The following ABCD3 variants were observed in gnomAD, a reference collection of about 807,000 sequenced individuals.
The protein encoded by ABCD3 is ATP-binding cassette sub-family D member 3.
In ABCD3, 41 loss-of-function variants were observed where a neutral mutation model predicts 105.5. The observed-to-expected ratio is 0.39, with a 90% CI of 0.30 to 0.50. The LOEUF is 0.50. Among genes scored for constraint, ABCD3 ranks in the 20% least tolerant of loss-of-function variants. ABCD3 has a pLI of 0.84. For missense variants in ABCD3, 622 were observed against 806.3 expected, an observed-to-expected ratio of 0.77 and a Z score of 2.77; for synonymous variants, 258 against 269.0, an observed-to-expected ratio of 0.96 and a Z score of 0.40.
the ABCD3 span, among the ~76,000 whole-genome samples, chr1:94,408,048 C>T: frequency 6.6e-6 from 1 of 152,116 alleles, no homozygotes; most frequent in Non-Finnish European, 1.5e-5. Context: ...TATTACTTGG[C>T]CCTTTGCAGA....
intron 1 of ABCD3, among the ~76,000 whole-genome samples, chr1:94,444,615 T>C (rs1660277330): frequency 6.6e-6 from 1 of 152,214 alleles, no homozygotes; most frequent in South Asian, 2.1e-4. Context: ...ATTTTGTAAG[T>C]CTGTTGTTAC....
At chr1:94,417,592 G>A (rs1659071411), upstream of ABCD3, among the ~76,000 whole-genome samples, 1 of 152,206 alleles carries the variant, frequency 6.6e-6, no homozygotes, top group Non-Finnish European at 1.5e-5. Context: ...TGTTACTTCT[G>A]AATGTCCCTT....
the ABCD3 span, among the ~76,000 whole-genome samples, chr1:94,403,524 T>C: frequency 6.6e-6 from 1 of 152,204 alleles, no homozygotes; most frequent in Non-Finnish European, 1.5e-5. Flanking sequence ...AAAATAATAA[T>C]TTTCCAGCTT....
At chr1:94,427,027 T>C (rs1030935994) in intron 1 of ABCD3, among the ~76,000 whole-genome samples, 6 of 152,176 alleles carry the variant, frequency 3.9e-5, no homozygotes, top group African/African-American at 1.4e-4. Flanking sequence ...TAGAACAGTA[T>C]GTTTACACCA....
At chr1:94,436,105 A>G (rs1397287987) in intron 1 of ABCD3, among the ~76,000 whole-genome samples, 1 of 152,216 alleles carries the variant, frequency 6.6e-6, no homozygotes, top group Non-Finnish European at 1.5e-5. Flanking sequence ...TTTATTGGGA[A>G]ATGGTATTTC....
chr1:94,514,667 C>T lies in ABCD3; in HGVS notation c.1846-479C>T, dbSNP rs1290871022. ...TATGTGTTTAATTATAAAATTCTGC[C>T]TCAGAACTCTCTGGGGGTGTTAAAT... On this transcript the variant is annotated intron_variant, in intron 21 of 22. Transcript: ENST00000370214. 2.6e-5 allele frequency: 4 copies of T among 155,528 alleles called. No homozygotes were observed. In the East Asian group the frequency reaches 7.5e-4, roughly 29 times the overall value. The allele number at this position is 155,528 out of a possible 1,614,324, so 9.6% of individuals were successfully genotyped here.
chr1:94,433,880 C>T (rs1344393732), intron 1 of ABCD3, among the ~76,000 whole-genome samples: 1 of 151,830 alleles, frequency 6.6e-6, no homozygotes. Flanking sequence ...AACTCCTGGC[C>T]TCAAGTGATC....
intron 10 of ABCD3, among the ~76,000 whole-genome samples, chr1:94,485,827 C>G (rs1390943062): frequency 6.6e-6 from 1 of 152,078 alleles, no homozygotes; most frequent in Non-Finnish European, 1.5e-5. Flanking sequence ...ATTCTCTGAA[C>G]AATACAGACA....
chr1:94,418,746 G>A (rs1659127176), intron 1 of ABCD3, 158 bp downstream of exon 1: 1 of 702,420 alleles, frequency 1.4e-6, no homozygotes, highest in East Asian at 2.8e-5. Context: ...CAGGGTGTCC[G>A]CGAGTCCCCG....
intron 16 of ABCD3, among the ~76,000 whole-genome samples, chr1:94,494,412 T>C (rs1765653): frequency 0.044 from 6,642 of 152,292 alleles, 545 homozygotes; most frequent in African/African-American, 0.15. Context: ...AATCTCTTTC[T>C]GACTTAAAGT....
chr1:94,450,632 C>A (rs368982637), intron 1 of ABCD3, among the ~76,000 whole-genome samples: 5 of 152,226 alleles, frequency 3.3e-5, no homozygotes, highest in Admixed American at 6.5e-5. Flanking sequence ...GGCTTGCTGT[C>A]AATAAATATG....
rs1205836155 is a variant in ABCD3 at position 94,473,851 on chromosome 1, T to C, written c.405+16T>C. The C allele has an allele frequency of 9.4e-6, 15 of 1,603,858 alleles. No homozygotes were observed. Among genetic ancestry groups the C allele is most frequent in the African/African-American group, 1.3e-5 (1 of 74,470 alleles). ...CATGCCTCTTGTAAGTTTAATTCAT[T>C]AAAAATCTTTTTAACACGGGAAATT... On this transcript the variant is annotated intron_variant, in intron 5 of 22. Transcript: ENST00000370214.
At chr1:94,477,367 C>T (rs147561235) in intron 7 of ABCD3, among the ~76,000 whole-genome samples, 98 of 151,990 alleles carry the variant, frequency 6.4e-4, no homozygotes, top group African/African-American at 2.3e-3. Flanking sequence ...GTGGCTCATC[C>T]CTGCAATCAC....
rs762094046 is a variant in ABCD3, at chr1:94,418,431, G to T, written c.-48G>T. The T allele has an allele frequency of 6.6e-7, 1 of 1,524,658 alleles. No individual in the cohort carries two copies. The highest frequency in any genetic ancestry group is 1.8e-5 in the Admixed American group (1 of 54,082). 94.4% of individuals were successfully genotyped at this position (1,524,658 alleles called of 1,614,324 possible). On this transcript the variant is annotated 5_prime_UTR_variant, in exon 1 of 23. Transcript: ENST00000370214. Reference sequence around the variant, plus strand: ...TGCGTGCAGTAAGGTAGCCGCCGCCGCCGCCGCCGCCGCGTCCCCTCGCCG... The same window carrying T: ...TGCGTGCAGTAAGGTAGCCGCCGCCTCCGCCGCCGCCGCGTCCCCTCGCCG...
At chr1:94,501,622 G>A (rs1245798443) in intron 20 of ABCD3, among the ~76,000 whole-genome samples, 1 of 152,192 alleles carries the variant, frequency 6.6e-6, no homozygotes, top group Non-Finnish European at 1.5e-5. Flanking sequence ...ACTTAGAACA[G>A]TGAGTCAGCC....
intron 1 of ABCD3, among the ~76,000 whole-genome samples, chr1:94,440,645 G>A (rs891914591): frequency 1.3e-5 from 2 of 152,188 alleles, no homozygotes; most frequent in African/African-American, 2.4e-5. Context: ...TCTTCCCGAG[G>A]TGGATAAGAT....
intron 7 of ABCD3, among the ~76,000 whole-genome samples, chr1:94,477,571 G>T (rs1256791709): frequency 7.8e-6 from 1 of 128,438 alleles, no homozygotes; most frequent in Non-Finnish European, 1.9e-5. Flanking sequence ...GCCAGACCCT[G>T]TCTCAAAAAA....
chr1:94,502,761 A>C (rs1289356202), intron 20 of ABCD3, among the ~76,000 whole-genome samples: 2 of 151,988 alleles, frequency 1.3e-5, no homozygotes, highest in Non-Finnish European at 2.9e-5. Flanking sequence ...CGACCTCCCA[A>C]TGTGCTGGGA....
chr1:94,437,781 G>C (rs528700261), intron 1 of ABCD3, among the ~76,000 whole-genome samples: 1 of 152,288 alleles, frequency 6.6e-6, no homozygotes, highest in African/African-American at 2.4e-5. Context: ...AAAGGATTCA[G>C]TACTCTAGGT....
Sources: allele counts gnomAD v4.1 joint callset (sites outside exome capture counted in the v4.1 genomes callset), GRCh38; gene constraint gnomAD v4.1.1; transcripts MANE v1.5; gene names NCBI Gene and HGNC (gene_info 2026-07-23, HGNC 2026-07-21).